SIPA1L1: variants seen among roughly 807,000 people sequenced by gnomAD.
SIPA1L1 encodes signal-induced proliferation-associated 1-like protein 1.
SIPA1L1 carries 26 observed loss-of-function variants against 162.7 expected under a neutral mutation model. The ratio of observed to expected loss-of-function variants is 0.16; its 90% CI spans 0.12 to 0.22. SIPA1L1 has a LOEUF of 0.22. Among genes scored for constraint, SIPA1L1 ranks in the 10% least tolerant of loss-of-function variants. The pLI is 1.00. For missense variants in SIPA1L1, 1,874 were observed against 2,241.0 expected (o/e 0.84, Z 3.31); for synonymous variants, 829 against 837.4 (o/e 0.99, Z 0.17).
intron 10 of SIPA1L1, 61 bp downstream of exon 10, chr14:71,661,528 C>T: frequency 3.3e-6 from 5 of 1,533,508 alleles, no homozygotes; most frequent in Non-Finnish European, 4.4e-6. Context: ...CATAGAGGCC[C>T]CATTCAGCTC....
At chr14:71,691,741 C>T (rs2081271352) in intron 13 of SIPA1L1, among the ~76,000 whole-genome samples, 1 of 152,060 alleles carries the variant, frequency 6.6e-6, no homozygotes, top group Non-Finnish European at 1.5e-5. Context: ...CTTGGTGCAC[C>T]TTCCACTCCT....
rs537268074 is a variant in SIPA1L1, at chr14:71,398,531, G to T, written c.-465+77350G>T. 6 of 152,320 alleles carry T rather than the reference G, an allele frequency of 3.9e-5. No individual in the cohort carries two copies. The South Asian group carries it at 1.0e-3, about 26-fold the overall frequency. 9.4% of individuals were successfully genotyped at this position (152,320 alleles called of 1,614,324 possible). A position where few individuals can be genotyped will look rare whatever the true frequency, so the allele number is the denominator to read the frequency against. ...TATTCCCTGTATTTAAAAGTAGATA[G>T]TTACACATGAGCAGTGACTCCGAGT... On this transcript the variant is annotated intron_variant, in intron 2 of 23. Coordinates refer to ENST00000381232, the MANE Select transcript of SIPA1L1 (RefSeq NM_001386936.1).
intron 4 of SIPA1L1, among the ~76,000 whole-genome samples, chr14:71,551,358 T>C (rs956612486): frequency 1.3e-5 from 2 of 152,206 alleles, no homozygotes; most frequent in Non-Finnish European, 2.9e-5. Flanking sequence ...GGATGGCTAG[T>C]CTCCCTATTT....
intron 5 of SIPA1L1, among the ~76,000 whole-genome samples, chr14:71,593,838 G>A (rs2035708378): frequency 6.6e-6 from 1 of 152,104 alleles, no homozygotes; most frequent in African/African-American, 2.4e-5. Context: ...TTGTCTTCAT[G>A]GTAGGTGGAG....
intron 22 of SIPA1L1, chr14:71,735,742 G>A (rs187977622): frequency 2.3e-5 from 4 of 176,470 alleles, no homozygotes; most frequent in South Asian, 1.7e-4. Flanking sequence ...AGTCTCTTTC[G>A]CAGTGTTGCT....
At chr14:71,632,996 G>A (rs940800924) in intron 7 of SIPA1L1, among the ~76,000 whole-genome samples, 2 of 152,022 alleles carry the variant, frequency 1.3e-5, no homozygotes, top group Admixed American at 1.3e-4. Flanking sequence ...TCAACTTAAG[G>A]GAAAATTTGA....
At chr14:71,472,313 A>G (rs1471100645) in intron 2 of SIPA1L1, among the ~76,000 whole-genome samples, 1 of 152,020 alleles carries the variant, frequency 6.6e-6, no homozygotes, top group Non-Finnish European at 1.5e-5. Context: ...TTTTTCTACA[A>G]AAATATGTTA....
In SIPA1L1 at chr14:71,724,652, C is replaced by A; in HGVS notation, c.4449-18C>A. The A allele has an allele frequency of 6.2e-7, 1 of 1,606,488 alleles. No individual in the cohort carries two copies. The highest frequency in any genetic ancestry group is 1.1e-5 in the South Asian group (1 of 89,752). On this transcript the variant is annotated intron_variant, in intron 18 of 23. Coordinates refer to ENST00000381232, the MANE Select transcript of SIPA1L1 (RefSeq NM_001386936.1). ...CTTGTTGAGTTGGTATCTATCATCTCTTCCCTTTTTTGTCCAGGCGTCATC... is the reference window on the plus strand; with the variant it reads ...CTTGTTGAGTTGGTATCTATCATCTATTCCCTTTTTTGTCCAGGCGTCATC...
chr14:71,525,317 G>C (rs2052754451), intron 3 of SIPA1L1, among the ~76,000 whole-genome samples: 1 of 152,052 alleles, frequency 6.6e-6, no homozygotes, highest in Non-Finnish European at 1.5e-5. Context: ...TGAGTAGCTG[G>C]GACTACAGGT....
intron 2 of SIPA1L1, among the ~76,000 whole-genome samples, chr14:71,390,734 A>G (rs937406806): frequency 6.6e-6 from 1 of 152,136 alleles, no homozygotes; most frequent in African/African-American, 2.4e-5. Context: ...GCAGTGAGCT[A>G]AGATCGCACC....
chr14:71,496,040 T>C (rs1485449444), intron 2 of SIPA1L1, among the ~76,000 whole-genome samples: 1 of 147,462 alleles, frequency 6.8e-6, no homozygotes, highest in African/African-American at 2.5e-5. Context: ...GCTGCTGCAC[T>C]CTAGCCTGCA....
intron 22 of SIPA1L1, chr14:71,735,637 T>C (rs2085214134): frequency 5.0e-6 from 2 of 399,364 alleles, no homozygotes; most frequent in Non-Finnish European, 9.0e-6. Context: ...CATAATACAT[T>C]TATGCCCTCA....
At chr14:71,605,313 G>A (rs1192839140) in intron 5 of SIPA1L1, among the ~76,000 whole-genome samples, 2 of 151,644 alleles carry the variant, frequency 1.3e-5, no homozygotes, top group Non-Finnish European at 2.9e-5. Context: ...TCAGTATTTG[G>A]TTGTATTTCA....
intron 2 of SIPA1L1, among the ~76,000 whole-genome samples, chr14:71,485,208 T>G (rs2048653112): frequency 6.6e-6 from 1 of 152,196 alleles, no homozygotes; most frequent in Non-Finnish European, 1.5e-5. Flanking sequence ...AGCAGAAGAA[T>G]GCTATTACAG....
intron 2 of SIPA1L1, chr14:71,416,050 GT>G (rs1217620262): frequency 2.0e-5 from 3 of 152,066 alleles, no homozygotes; most frequent in African/African-American, 7.2e-5. Context: ...AAACATGACA[GT>G]TTTGAGCAGG....
chr14:71,567,562 T>G (rs1567218022), intron 4 of SIPA1L1, among the ~76,000 whole-genome samples: 1 of 151,710 alleles, frequency 6.6e-6, no homozygotes, highest in South Asian at 2.1e-4. Flanking sequence ...GGAGCAAACT[T>G]ATAGTTATTT....
chr14:71,667,158 TG>T (rs1355077737), intron 10 of SIPA1L1, among the ~76,000 whole-genome samples: 1 of 152,160 alleles, frequency 6.6e-6, no homozygotes, highest in African/African-American at 2.4e-5. Context: ...CTGCACCCCA[TG>T]CCTACCTCAC....
At chr14:71,491,763 C>CACAA (rs2049282862) in intron 2 of SIPA1L1, among the ~76,000 whole-genome samples, 1 of 63,662 alleles carries the variant, frequency 1.6e-5, no homozygotes, top group Non-Finnish European at 3.2e-5. Context: ...TTATTTCAAA[C>CACAA]ACACACACAC....
At chr14:71,658,460 T>A in intron 9 of SIPA1L1, 24 bp downstream of exon 9, 1 of 1,393,312 alleles carries the variant, frequency 7.2e-7, no homozygotes, top group Non-Finnish European at 1.0e-6. Context: ...CTGTTATCTG[T>A]GTTTTCACCC....
Sources: gnomAD v4.1 joint callset for allele counts (sites outside exome capture counted in the v4.1 genomes callset) on GRCh38, gnomAD v4.1.1 for gene constraint, MANE v1.5 for transcripts, NCBI Gene and HGNC (gene_info 2026-07-23, HGNC 2026-07-21) for gene names.